PHF14: variants seen among roughly 807,000 people sequenced by gnomAD.
PHF14 encodes the protein PHD finger protein 14.
A neutral mutation model predicts 117.9 loss-of-function variants in PHF14; 55 were observed. The ratio of observed to expected loss-of-function variants is 0.47; its 90% CI spans 0.38 to 0.58. The LOEUF (loss-of-function observed/expected upper bound fraction) is 0.58. Among genes scored for constraint, PHF14 ranks in the 20% least tolerant of loss-of-function variants. PHF14 has a pLI of 0.00. For synonymous variants in PHF14, 409 were observed against 368.6 expected (o/e 1.11, Z -1.26); for missense variants, 978 against 1,122.2 (o/e 0.87, Z 1.84).
Position 10,974,242 on chromosome 7 carries a change from C to G in PHF14, c.-82C>G. 1 of 1,229,660 alleles carries G rather than the reference C, an allele frequency of 8.1e-7. No individual in the cohort carries two copies. Among genetic ancestry groups the G allele is most frequent in the Non-Finnish European group, 1.2e-6 (1 of 856,720 alleles). The allele number at this position is 1,229,660 out of a possible 1,614,324, so 76.2% of individuals were successfully genotyped here. On this transcript the variant is annotated 5_prime_UTR_variant, in exon 1 of 18. Transcript: ENST00000634607. ...CATCTTTCGGACTTGTCTTCGCGGC[C>G]CCAGTCCCCGACCTCGGCGCTGCCT...
intron 16 of PHF14, among the ~76,000 whole-genome samples, chr7:11,095,364 CAG>C (rs1035121206): frequency 2.6e-5 from 4 of 152,166 alleles, no homozygotes; most frequent in Non-Finnish European, 5.9e-5. Context: ...ACTACTTCTC[CAG>C]AATCTGTACT....
chr7:10,994,044 ACT>A (rs1167907871), intron 4 of PHF14, among the ~76,000 whole-genome samples: 1 of 151,406 alleles, frequency 6.6e-6, no homozygotes, highest in Non-Finnish European at 1.5e-5. Flanking sequence ...AGGGAAATCC[ACT>A]CTGATAAGAG....
At position 10,982,870 on chromosome 7, in the gene PHF14, A is replaced by G. The variant is rs1371104086; in HGVS notation, c.611A>G (p.Asp204Gly). 1 of 1,613,886 alleles carries G rather than the reference A, an allele frequency of 6.2e-7. No individual in the cohort carries two copies. The highest frequency in any genetic ancestry group is 8.5e-7 in the Non-Finnish European group (1 of 1,179,828). Residue 204 changes from aspartate (D) to glycine (G), a missense_variant, in exon 3 of 18, where the codon GAT (aspartate) becomes GGT (glycine). Physicochemically the swap from Asp to Gly is moderately conservative, Grantham distance 94. Around this residue, in one of 7 missense-constraint regions of PHF14, gnomAD observed 414 missense variants for 376.4 expected, o/e 1.10. Coordinates refer to ENST00000634607, the MANE Select transcript of PHF14 (RefSeq NM_001007157.2). Reference sequence around the variant, plus strand: ...TCCATGGAAGAGCTGAATGACATGGATGACTATGACAGTGAGGATGACAAT... The same window carrying G: ...TCCATGGAAGAGCTGAATGACATGGGTGACTATGACAGTGAGGATGACAAT... Reference protein sequence around the residue: ...FVSMEELNDMDDYDSEDDNDW... With the variant: ...FVSMEELNDMGDYDSEDDNDW...
intron 11 of PHF14, among the ~76,000 whole-genome samples, chr7:11,039,522 GT>G (rs1784435088): frequency 6.6e-6 from 1 of 152,052 alleles, no homozygotes; most frequent in Non-Finnish European, 1.5e-5. Flanking sequence ...ATAAATTACA[GT>G]TTTCGCAAAT....
intron 13 of PHF14, among the ~76,000 whole-genome samples, chr7:11,046,939 GT>G (rs1325260915): frequency 6.6e-6 from 1 of 151,204 alleles, no homozygotes; most frequent in Non-Finnish European, 1.5e-5. Context: ...GGAGAAAAAA[GT>G]AAATCATGAA....
chr7:11,061,701 T>A, intron 14 of PHF14, 90 bp from the exon 15 acceptor site: 8 of 1,026,980 alleles, frequency 7.8e-6, no homozygotes, highest in Non-Finnish European at 1.1e-5. Context: ...AGCAATAACA[T>A]TTAACAGAGG....
chr7:11,027,014 A>G (rs976926397), intron 6 of PHF14, among the ~76,000 whole-genome samples: 2 of 152,198 alleles, frequency 1.3e-5, no homozygotes, highest in Admixed American at 6.5e-5. Flanking sequence ...TTAGTTCACT[A>G]GCATTTTAAA....
intron 4 of PHF14, among the ~76,000 whole-genome samples, chr7:10,993,821 C>G (rs745778611): frequency 1.1e-4 from 16 of 151,216 alleles, no homozygotes; most frequent in Admixed American, 2.0e-4. Flanking sequence ...TCAGCCTGGC[C>G]AAAATGGTGA....
chr7:11,106,966 A>G (rs539294489), intron 16 of PHF14: 12 of 983,624 alleles, frequency 1.2e-5, no homozygotes, highest in Admixed American at 6.2e-5. Context: ...GATCATAAAA[A>G]TGTACATCCT....
chr7:11,089,793 G>C (rs1474605061), intron 16 of PHF14, among the ~76,000 whole-genome samples: 1 of 134,116 alleles, frequency 7.5e-6, no homozygotes, highest in Non-Finnish European at 1.6e-5. Context: ...TTTTTGAGAC[G>C]GAGTTTCACT....
chr7:10,982,345 G>GTTT, intron 2 of PHF14, 27 bp from the exon 3 acceptor site: 1 of 1,316,896 alleles, frequency 7.6e-7, no homozygotes, highest in Non-Finnish European at 1.0e-6. Flanking sequence ...CATATGTGTG[G>GTTT]TTTTTTTTTT....
At chr7:11,062,655 A>AT (rs921978799) in intron 16 of PHF14, 221 of 962,422 alleles carry the variant, frequency 2.3e-4, no homozygotes, top group Non-Finnish European at 2.5e-4. Flanking sequence ...TTGGTACTTT[A>AT]TTTTTTTTTA....
At chr7:11,068,164 C>T (rs1171969310) in intron 16 of PHF14, among the ~76,000 whole-genome samples, 3 of 152,000 alleles carry the variant, frequency 2.0e-5, no homozygotes, top group Non-Finnish European at 4.4e-5. Context: ...TCCTGGCTAA[C>T]ACAGTGAAAC....
intron 17 of PHF14, among the ~76,000 whole-genome samples, chr7:11,117,226 T>C (rs1270666051): frequency 6.6e-6 from 1 of 151,976 alleles, no homozygotes; most frequent in Non-Finnish European, 1.5e-5. Flanking sequence ...AAGCTATGTT[T>C]TGTGAGAAGC....
At chr7:11,022,674 C>G (rs564079675) in intron 5 of PHF14, among the ~76,000 whole-genome samples, 194 bp from the exon 6 acceptor site, 1 of 152,180 alleles carries the variant, frequency 6.6e-6, no homozygotes, top group South Asian at 2.1e-4. Flanking sequence ...TTTCAGTCCC[C>G]TTTTTTGTAA....
rs186654269 is a variant in PHF14 at position 11,074,736 on chromosome 7, A to G, written c.2654+12651A>G. Among the ~76,000 whole-genome samples the G allele has an allele frequency of 3.9e-5, 6 of 152,216 alleles. No individual in the cohort carries two copies. In the East Asian group the frequency reaches 9.7e-4, roughly 25 times the overall value. ...TGGGTGACCTTTACTCCAGTTCCCA[A>G]TAAGTTCTTCATTTCCATCTGAGGC... On this transcript the variant is annotated intron_variant, in intron 16 of 17. Transcript: ENST00000634607.
rs535916203 is a variant in PHF14 at position 11,048,162 on chromosome 7, T to C, written c.2313-3450T>C. On this transcript the variant is annotated intron_variant, in intron 13 of 17. Coordinates refer to ENST00000634607, the MANE Select transcript of PHF14 (RefSeq NM_001007157.2). Reference sequence around the variant, plus strand: ...TCATACAGTGTGCTAAGTAAAAATATATAGAATTAAGGTGAGTTTAGCTAA... The same window carrying C: ...TCATACAGTGTGCTAAGTAAAAATACATAGAATTAAGGTGAGTTTAGCTAA... 1.1e-3 allele frequency among the ~76,000 whole-genome samples: 160 copies of C among 152,282 alleles called. 3 individuals are homozygous for C. Among genetic ancestry groups the C allele is most frequent in the Non-Finnish European group, 1.7e-3 (115 of 68,026 alleles).
At chr7:11,097,746 C>G (rs1292570761) in intron 16 of PHF14, among the ~76,000 whole-genome samples, 3 of 152,184 alleles carry the variant, frequency 2.0e-5, no homozygotes, top group Non-Finnish European at 4.4e-5. Context: ...ATTTATCTAA[C>G]TCAGCATCTT....
Position 10,989,499 on chromosome 7 carries a change from C to A in PHF14, c.901-1204C>A, listed in dbSNP as rs111243695. Among the ~76,000 whole-genome samples, 23 of 152,258 alleles carry A rather than the reference C, an allele frequency of 1.5e-4. 1 individual carries two copies. The highest frequency in any genetic ancestry group is 4.3e-4 in the African/African-American group (18 of 41,552). ...TATTATATGTAATGTTAAGCACAAT[C>A]TATTAAATATGCAAGAATCATTTTC... On this transcript the variant is annotated intron_variant, in intron 3 of 17. Coordinates refer to ENST00000634607, the MANE Select transcript of PHF14 (RefSeq NM_001007157.2).
Sources: allele counts gnomAD v4.1 joint callset (sites outside exome capture counted in the v4.1 genomes callset), GRCh38; gene constraint gnomAD v4.1.1; regional missense constraint gnomAD v4.1.1; transcripts MANE v1.5; gene names NCBI Gene and HGNC (gene_info 2026-07-23, HGNC 2026-07-21).